Variants in TERT observed in about 807,000 individuals in gnomAD.
TERT encodes the protein telomerase reverse transcriptase.
In TERT, 42 loss-of-function variants were observed where a neutral mutation model predicts 104.0. That is an observed-to-expected ratio of 0.40 (90% CI 0.32 to 0.52). The LOEUF is 0.52. TERT is among the 20% of genes least tolerant of loss of function. The probability of loss-of-function intolerance (pLI) is 0.43; values close to 1 mark genes in which losing one functional copy is unlikely to be tolerated. For synonymous variants in TERT, 781 were observed against 725.6 expected (o/e 1.08, Z -1.23); for missense variants, 1,101 against 1,610.3 (o/e 0.68, Z 5.41).
Position 1,286,689 on chromosome 5 carries a change from C to T in TERT, c.1574-4065G>A, listed in dbSNP as rs926919803. On this transcript the variant is annotated intron_variant, in intron 2 of 15. Coordinates refer to ENST00000310581, the MANE Select transcript of TERT (RefSeq NM_198253.3). This position sits in a 1 kb window ranked among gnomAD's most constrained non-coding sequence, Gnocchi z 5.3. ...GGTCAGGAGTTTGAGACCAGCCTGG[C>T]CAACATGGTGAAAGCCTATCTCTAC... is the stretch of plus-strand genomic sequence containing the variant. Among the ~76,000 whole-genome samples, 29 of 151,950 alleles carry T rather than the reference C, an allele frequency of 1.9e-4. No homozygotes were observed. Among genetic ancestry groups the T allele is most frequent in the Non-Finnish European group, 3.7e-4 (25 of 67,978 alleles).
In TERT at chr5:1,271,143, T is replaced by C. The variant is rs771392980; in HGVS notation, c.2444A>G (p.His815Arg). ...LFDVFLRFMC[H>R]HAVRIRGKSY... The stretch of plus-strand genomic sequence containing the variant: ...CTTGCCCCTGATGCGCACGGCGTGG[T>C]GGCACATGAAGCGTAGGAAGACGTC... Residue 815 changes from histidine to arginine, a missense_variant, in exon 8 of 16, where the codon CAC (histidine) becomes CGC (arginine). By Grantham distance (29) the His-to-Arg change is conservative. This residue lies in a region of TERT where 463 missense variants were observed against 797.5 expected (regional missense o/e 0.58). Coordinates refer to ENST00000310581, the MANE Select transcript of TERT (RefSeq NM_198253.3). 9 of 1,612,940 alleles carry C rather than the reference T, an allele frequency of 5.6e-6. No homozygotes were observed. The highest frequency in any genetic ancestry group is 2.5e-6 in the Non-Finnish European group (3 of 1,180,036).
chr5:1,293,766 C>G lies in TERT; in HGVS notation c.1120G>C (p.Gly374Arg). ...IFLGSRPWMP[G>R]TPRRLPRLPQ... ...AGGCGGGGCAACCTGCGGGGAGTCC[C>G]TGGCATCCAGGGCCTGGAACCCAGA... The change falls in exon 2 of 16, where the codon GGG becomes CGG. Residue 374 changes from glycine (G) to arginine (R), a missense_variant. Transcript: ENST00000310581. 6.4e-7 allele frequency: 1 copy of G among 1,556,052 alleles called. No homozygotes were observed. Among genetic ancestry groups the G allele is most frequent in the Non-Finnish European group, 8.7e-7 (1 of 1,149,996 alleles).
At chr5:1,283,110 C>T (rs1750164995) in intron 2 of TERT, 24 of 338,676 alleles carry the variant, frequency 7.1e-5, no homozygotes, top group South Asian at 5.2e-4. Context: ...GGCGACCTCA[C>T]CCCGGACCTG....
chr5:1,293,430 G>A lies in TERT; in HGVS notation c.1456C>T (p.Arg486Cys), dbSNP rs199422293. 2.5e-6 allele frequency: 4 copies of A among 1,612,436 alleles called. No individual in the cohort carries two copies. Among genetic ancestry groups the A allele is most frequent in the Admixed American group, 1.7e-5 (1 of 59,944 alleles). Residue 486 changes from arginine to cysteine, a missense_variant, in exon 2 of 16, where the codon CGC becomes TGC. Arg to Cys is a radical substitution (Grantham distance 180). This residue lies in a region of TERT where 504 missense variants were observed against 544.6 expected (regional missense o/e 0.93). Coordinates refer to ENST00000310581, the MANE Select transcript of TERT (RefSeq NM_198253.3). ...AACTTCTTGGTGTTCCTGAGGAAGC[G>A]GCGTTCGTTGTGCCTGGAGCCCCAG... ...GLWGSRHNER[R>C]FLRNTKKFIS...
Position 1,268,685 on chromosome 5 carries a change from C to T in TERT, c.2469-52G>A, listed in dbSNP as rs770091645. 7.6e-6 allele frequency: 10 copies of T among 1,314,284 alleles called. No individual in the cohort carries two copies. Among genetic ancestry groups the T allele is most frequent in the South Asian group, 4.7e-5 (4 of 84,234 alleles). The allele number at this position is 1,314,284 out of a possible 1,614,324, so 81.4% of individuals were successfully genotyped here. ...ACGGGCAGGGCATGTGCTGGACATGCGTACACTCAAACCGAGCCACACACA... is the reference window on the plus strand; with the variant it reads ...ACGGGCAGGGCATGTGCTGGACATGTGTACACTCAAACCGAGCCACACACA... On this transcript the variant is annotated intron_variant, in intron 8 of 15. Transcript: ENST00000310581. The surrounding 1 kb of genome is among the most constrained non-coding windows in gnomAD (Gnocchi z 5.5).
chr5:1,285,322 C>T (rs1183082611), intron 2 of TERT, among the ~76,000 whole-genome samples: 2 of 152,198 alleles, frequency 1.3e-5, no homozygotes, highest in African/African-American at 2.4e-5. Context: ...CCCGGACCTG[C>T]ACCATCTGGT....
In TERT at chr5:1,282,541, C is replaced by T. The variant is rs749051614; in HGVS notation, c.1657G>A (p.Val553Ile). ...KFLHWLMSVY[V>I]VELLRSFFYV... is the part of the protein sequence containing the mutation. ...AAGAAAGACCTGAGCAGCTCGACGA[C>T]GTACACACTCATCAGCCAGTGCAGG... is the stretch of plus-strand genomic sequence containing the variant. Residue 553 changes from valine to isoleucine, a missense_variant, in exon 3 of 16, where the codon GTC becomes ATC. Val to Ile is a conservative substitution (Grantham distance 29, BLOSUM62 3). This residue lies in a region of TERT where 504 missense variants were observed against 544.6 expected (regional missense o/e 0.93). Coordinates refer to ENST00000310581, the MANE Select transcript of TERT (RefSeq NM_198253.3). 11 of 1,614,032 alleles carry T rather than the reference C, an allele frequency of 6.8e-6. No individual in the cohort carries two copies. Among genetic ancestry groups the T allele is most frequent in the East Asian group, 4.5e-5 (2 of 44,904 alleles).
At chr5:1,290,557 G>A (rs1471063747) in intron 2 of TERT, among the ~76,000 whole-genome samples, 2 of 67,632 alleles carry the variant, frequency 3.0e-5, no homozygotes, top group African/African-American at 9.7e-5. Context: ...CGGGGACGGT[G>A]CCTCACTCAC....
intron 9 of TERT, among the ~76,000 whole-genome samples, chr5:1,267,943 C>T (rs1375922931): frequency 6.6e-6 from 1 of 152,078 alleles, no homozygotes; most frequent in Non-Finnish European, 1.5e-5. Flanking sequence ...TGTAACTAAC[C>T]TGCACGTCGT....
intron 7 of TERT, among the ~76,000 whole-genome samples, 164 bp downstream of exon 7, chr5:1,272,021 C>A (rs2126616946): frequency 6.6e-6 from 1 of 152,384 alleles, no homozygotes; most frequent in East Asian, 1.9e-4. Flanking sequence ...CATGGCCCAG[C>A]TCAGATTTCG....
At chr5:1,260,820 G>A (rs1359760165) in intron 11 of TERT, among the ~76,000 whole-genome samples, 2 of 152,240 alleles carry the variant, frequency 1.3e-5, no homozygotes, top group East Asian at 1.9e-4. Context: ...CCTGGCTAGT[G>A]ATGTTGAGTG....
chr5:1,274,401 A>G lies in TERT; in HGVS notation c.2287-2121T>C, dbSNP rs1749391346. Among the ~76,000 whole-genome samples the G allele has an allele frequency of 6.6e-6, 1 of 152,234 alleles. No homozygotes were observed. Among genetic ancestry groups the G allele is most frequent in the Non-Finnish European group, 1.5e-5 (1 of 68,032 alleles). ...AAGCCAATATATCAACACTGACGAG[A>G]GGCTGCTGAAGCAGGTCTTTAGCAC... On this transcript the variant is annotated intron_variant, in intron 6 of 15. Transcript: ENST00000310581. The surrounding 1 kb of genome is among the most constrained non-coding windows in gnomAD (Gnocchi z 5.3).
Position 1,286,888 on chromosome 5 carries a change from C to T in TERT, c.1574-4264G>A, listed in dbSNP as rs914072838. Among the ~76,000 whole-genome samples, 1 of 151,920 alleles carries T rather than the reference C, an allele frequency of 6.6e-6. No homozygotes were observed. The highest frequency in any genetic ancestry group is 6.6e-5 in the Admixed American group (1 of 15,254). Reference sequence around the variant, plus strand: ...GTGAGACTGTCTCAATAAACAAAAGCAAACAACGACAATAAAAAGATCAGG... The same window carrying T: ...GTGAGACTGTCTCAATAAACAAAAGTAAACAACGACAATAAAAAGATCAGG... On this transcript the variant is annotated intron_variant, in intron 2 of 15. Transcript: ENST00000310581. The surrounding 1 kb of genome is among the most constrained non-coding windows in gnomAD (Gnocchi z 5.3).
chr5:1,253,761 T>A lies in TERT; in HGVS notation c.3366A>T (p.Ala1122=). Residue 1122 remains alanine, a synonymous_variant, in exon 16 of 16, where the codon GCA becomes GCT. Transcript: ENST00000310581. ...LTALEAAANP[A]LPSDFKTILD is the part of the protein sequence containing the mutation. ...GGATGGTCTTGAAGTCTGAGGGCAG[T>A]GCCGGGTTGGCTGCGGCCTCCAGGG... 6.2e-7 allele frequency: 1 copy of A among 1,612,206 alleles called. No homozygotes were observed. The highest frequency in any genetic ancestry group is 8.5e-7 in the Non-Finnish European group (1 of 1,179,806).
rs986247654 is a variant in TERT, at chr5:1,274,699, C to T, written c.2287-2419G>A. On this transcript the variant is annotated intron_variant, in intron 6 of 15. Transcript: ENST00000310581. This position sits in a 1 kb window ranked among gnomAD's most constrained non-coding sequence, Gnocchi z 5.3. ...GCTCCCCACACCCCACCTAGCCTCC[C>T]GCTGTGCGCCGGGTTCCTAACAGGC... Among the ~76,000 whole-genome samples, 5 of 152,342 alleles carry T rather than the reference C, an allele frequency of 3.3e-5. No individual in the cohort carries two copies. Among genetic ancestry groups the T allele is most frequent in the East Asian group, 1.9e-4 (1 of 5,186 alleles).
Position 1,282,857 on chromosome 5 carries a change from GCGAAC to G in TERT, c.1574-238_1574-234del. 3 of 595,160 alleles carry G rather than the reference GCGAAC, an allele frequency of 5.0e-6. No individual in the cohort carries two copies. The African/African-American group carries it at 5.9e-5, about 12-fold the overall frequency. The allele number at this position is 595,160 out of a possible 1,614,324, so 36.9% of individuals were successfully genotyped here. ...GCATATCCAGCTCACCGAGGGCCTGGCGAACTCACCCCGGACCTGCAGCATCCAGA... is the reference window on the plus strand; with the variant it reads ...GCATATCCAGCTCACCGAGGGCCTGGTCACCCCGGACCTGCAGCATCCAGA... On this transcript the variant is annotated intron_variant, in intron 2 of 15. Transcript: ENST00000310581.
At chr5:1,283,554 C>T (rs1310152790) in intron 2 of TERT, among the ~76,000 whole-genome samples, 1 of 149,532 alleles carries the variant, frequency 6.7e-6, no homozygotes, top group African/African-American at 2.5e-5. Flanking sequence ...CTGCACCATC[C>T]GGACACCCCA....
chr5:1,259,046 C>T (rs762744385), intron 12 of TERT, among the ~76,000 whole-genome samples: 114 of 145,516 alleles, frequency 7.8e-4, no homozygotes, highest in Non-Finnish European at 1.5e-3. Context: ...GACACAGACG[C>T]CCACAGGAGA....
At chr5:1,254,580 A>G in intron 14 of TERT, 75 bp from the exon 15 acceptor site, 1 of 1,525,440 alleles carries the variant, frequency 6.6e-7, no homozygotes, top group South Asian at 1.2e-5. Flanking sequence ...AAAGCTGCCC[A>G]CACCCGACGG....
Sources: gnomAD v4.1 joint callset for allele counts (sites outside exome capture counted in the v4.1 genomes callset) on GRCh38, gnomAD v4.1.1 for gene constraint, gnomAD v4.1.1 regional missense constraint, Gnocchi (gnomAD v3.1) non-coding constraint, MANE v1.5 for transcripts, NCBI Gene and HGNC (gene_info 2026-07-23, HGNC 2026-07-21) for gene names.